Variants in CUX2 observed in about 807,000 individuals in gnomAD.
CUX2 encodes cut like homeobox 2.
In CUX2, 40 loss-of-function variants were observed where a neutral mutation model predicts 144.8. The observed-to-expected ratio is 0.28, with a 90% CI of 0.21 to 0.36. CUX2 has a LOEUF of 0.36. CUX2 is among the 10% of genes least tolerant of loss of function. The pLI is 1.00. For synonymous variants in CUX2, 827 were observed against 875.6 expected, an observed-to-expected ratio of 0.94 and a Z score of 0.98; for missense variants, 1,615 against 1,994.0, an observed-to-expected ratio of 0.81 and a Z score of 3.62.
intron 3 of CUX2, among the ~76,000 whole-genome samples, chr12:111,233,213 GTC>G (rs1472682549): frequency 1.3e-5 from 2 of 152,130 alleles, no homozygotes; most frequent in East Asian, 3.9e-4. Flanking sequence ...CTGGCCCCCA[GTC>G]TCTCCATATC....
At chr12:111,114,652 A>G (rs987471978) in intron 1 of CUX2, among the ~76,000 whole-genome samples, 2 of 152,184 alleles carry the variant, frequency 1.3e-5, no homozygotes, top group African/African-American at 4.8e-5. Flanking sequence ...CAAGAAAATG[A>G]ACCTCTTTCC....
At chr12:111,053,189 A>G (rs1870362412) in intron 1 of CUX2, among the ~76,000 whole-genome samples, 2 of 152,214 alleles carry the variant, frequency 1.3e-5, no homozygotes, top group Non-Finnish European at 1.5e-5. Flanking sequence ...CTGTACATGC[A>G]GGGCCCAGCA....
intron 1 of CUX2, among the ~76,000 whole-genome samples, chr12:111,212,986 T>G (rs1268757799): frequency 6.6e-6 from 1 of 152,246 alleles, no homozygotes; most frequent in Non-Finnish European, 1.5e-5. Flanking sequence ...GGAATGTGTA[T>G]TAGTGATGAC....
At chr12:111,134,580 C>G (rs908446096) in intron 1 of CUX2, among the ~76,000 whole-genome samples, 3 of 150,586 alleles carry the variant, frequency 2.0e-5, no homozygotes, top group Non-Finnish European at 4.4e-5. Flanking sequence ...AGAAACAGAA[C>G]CAATAAGATC....
At chr12:111,214,124 G>A (rs1224187811) in intron 1 of CUX2, 76 bp from the exon 2 acceptor site, 1 of 896,654 alleles carries the variant, frequency 1.1e-6, no homozygotes, top group Non-Finnish European at 1.7e-6. Context: ...TTTGTACAGT[G>A]GTTAAAAAGG....
At chr12:111,225,997 G>A (rs1882118293) in intron 3 of CUX2, among the ~76,000 whole-genome samples, 1 of 152,198 alleles carries the variant, frequency 6.6e-6, no homozygotes, top group Non-Finnish European at 1.5e-5. Context: ...CTGCCGGAGT[G>A]CAGCAGCGCA....
intron 3 of CUX2, among the ~76,000 whole-genome samples, chr12:111,219,538 C>CTTGCTTGAGTTGG (rs1881733798): frequency 6.6e-6 from 1 of 152,202 alleles, no homozygotes; most frequent in African/African-American, 2.4e-5. Flanking sequence ...CAGCTGTTTC[C>CTTGCTTGAGTTGG]TTGCTTGAGT....
In CUX2 at chr12:111,034,626, G is replaced by A. The variant is rs1869326191; in HGVS notation, c.63+386G>A. Among the ~76,000 whole-genome samples, 1 of 151,338 alleles carries A rather than the reference G, an allele frequency of 6.6e-6. No individual in the cohort carries two copies. The highest frequency in any genetic ancestry group is 6.6e-5 in the Admixed American group (1 of 15,228). On this transcript the variant is annotated intron_variant, in intron 1 of 21. Coordinates refer to ENST00000261726, the MANE Select transcript of CUX2 (RefSeq NM_015267.4). This position sits in a 1 kb window ranked among gnomAD's most constrained non-coding sequence, Gnocchi z 4.2. ...CACTTTGCGCGCCTCCCAACTTCGC[G>A]GCGCCCGGGGAGGCCGCGGAGCGCG...
chr12:111,063,918 G>A (rs1870913731), intron 1 of CUX2, among the ~76,000 whole-genome samples: 2 of 152,186 alleles, frequency 1.3e-5, no homozygotes, highest in African/African-American at 2.4e-5. Context: ...GTCGAGGAGC[G>A]AGGCACCAGC....
intron 2 of CUX2, among the ~76,000 whole-genome samples, chr12:111,214,698 G>A (rs1881434194): frequency 6.6e-6 from 1 of 152,092 alleles, no homozygotes; most frequent in African/African-American, 2.4e-5. Context: ...ACACCCTCTC[G>A]GGGCCTGCCG....
chr12:111,120,776 T>G (rs1282898536), intron 1 of CUX2, among the ~76,000 whole-genome samples: 3 of 152,042 alleles, frequency 2.0e-5, no homozygotes, highest in Non-Finnish European at 2.9e-5. Context: ...GGGGTCCACT[T>G]TGATTTGCAA....
chr12:111,310,063 T>C lies in CUX2; in HGVS notation c.1281T>C (p.Asp427=). The change falls in exon 15 of 22, where the codon GAT becomes GAC. Residue 427 remains aspartate, a synonymous_variant. Transcript: ENST00000261726. This position sits in a 1 kb window ranked among gnomAD's most constrained non-coding sequence, Gnocchi z 7.9. Reference sequence around the variant, plus strand: ...TAGAGGAAGACCCATCAGAGGACGATTCCATCAAGGATTCACTGGGCACGG... The same window carrying C: ...TAGAGGAAGACCCATCAGAGGACGACTCCATCAAGGATTCACTGGGCACGG... ...ASPEEDPSED[D]SIKDSLGTEQ... is the part of the protein sequence containing the mutation. The C allele has an allele frequency of 1.5e-6, 2 of 1,363,850 alleles. No individual in the cohort carries two copies. Among genetic ancestry groups the C allele is most frequent in the Non-Finnish European group, 1.9e-6 (2 of 1,058,016 alleles). 84.5% of individuals were successfully genotyped at this position (1,363,850 alleles called of 1,614,324 possible).
intron 4 of CUX2, among the ~76,000 whole-genome samples, chr12:111,268,971 G>A (rs977976405): frequency 1.3e-5 from 2 of 152,196 alleles, no homozygotes; most frequent in Non-Finnish European, 2.9e-5. Context: ...AGATATGCGT[G>A]TGCTTTCAGG....
chr12:111,219,038 G>A (rs1881703983), intron 3 of CUX2, among the ~76,000 whole-genome samples: 1 of 152,170 alleles, frequency 6.6e-6, no homozygotes, highest in African/African-American at 2.4e-5. Context: ...GACTCAGGCA[G>A]GACCCCAGAA....
chr12:111,105,485 C>CTGTGTGTGTG (rs139804461), intron 1 of CUX2, among the ~76,000 whole-genome samples: 92 of 149,684 alleles, frequency 6.1e-4, no homozygotes, highest in African/African-American at 2.1e-3. Flanking sequence ...CTGGAAAGCT[C>CTGTGTGTGTG]TGTGTGTGTG....
intron 3 of CUX2, among the ~76,000 whole-genome samples, chr12:111,228,268 C>A (rs1460354105): frequency 6.6e-6 from 1 of 152,138 alleles, no homozygotes; most frequent in African/African-American, 2.4e-5. Context: ...TTCAACTCCC[C>A]ATTTTGCTAC....
intron 1 of CUX2, among the ~76,000 whole-genome samples, chr12:111,073,364 C>G (rs927479378): frequency 1.3e-5 from 2 of 152,094 alleles, no homozygotes; most frequent in African/African-American, 4.8e-5. Context: ...GTAGCATTCT[C>G]TTTTGTGACT....
intron 1 of CUX2, among the ~76,000 whole-genome samples, chr12:111,147,216 A>G (rs773269359): frequency 1.4e-4 from 21 of 152,234 alleles, no homozygotes; most frequent in Non-Finnish European, 2.8e-4. Context: ...TGAACTGTGG[A>G]GAATTATTTT....
intron 14 of CUX2, 48 bp from the exon 15 acceptor site, chr12:111,309,993 C>G (rs546030582): frequency 1.6e-6 from 2 of 1,272,464 alleles, no homozygotes; most frequent in Admixed American, 3.8e-5. Flanking sequence ...CTCCCCTCAT[C>G]ATCGTCTTCC....
Sources: gnomAD v4.1 joint callset for allele counts (sites outside exome capture counted in the v4.1 genomes callset) on GRCh38, gnomAD v4.1.1 for gene constraint, Gnocchi (gnomAD v3.1) non-coding constraint, MANE v1.5 for transcripts, NCBI Gene and HGNC (gene_info 2026-07-23, HGNC 2026-07-21) for gene names.